The following PRP4K variants were observed in gnomAD, a reference collection of about 807,000 sequenced individuals.
The protein encoded by PRP4K is serine/threonine-protein kinase PRP4 homolog.
the PRP4K span, among the ~76,000 whole-genome samples, chr6:4,039,400 A>G: frequency 6.6e-6 from 1 of 152,200 alleles, no homozygotes; most frequent in Non-Finnish European, 1.5e-5. Flanking sequence ...TTCATAATGT[A>G]AACTTCCTTA....
the PRP4K span, among the ~76,000 whole-genome samples, chr6:4,039,783 G>A: frequency 6.6e-6 from 1 of 151,932 alleles, no homozygotes; most frequent in African/African-American, 2.4e-5. Flanking sequence ...TCTCATCTCT[G>A]CTATCATCTC....
At chr6:4,050,481 C>CT in the PRP4K span, 2 of 258,218 alleles carry the variant, frequency 7.7e-6, no homozygotes, top group South Asian at 1.2e-4. Context: ...TGTCTTATGC[C>CT]GTCCTTTGCT....
chr6:4,048,963 C>T, the PRP4K span: 12 of 1,301,330 alleles, frequency 9.2e-6, no homozygotes, highest in East Asian at 2.4e-5. Flanking sequence ...AAAGGAAGTG[C>T]GTTAAATGTC....
At chr6:4,053,432 C>T in the PRP4K span, among the ~76,000 whole-genome samples, 1 of 152,078 alleles carries the variant, frequency 6.6e-6, no homozygotes, top group African/African-American at 2.4e-5. Flanking sequence ...CCCACTTTTC[C>T]TGATCCTCTC....
the PRP4K span, chr6:4,048,957 GAAGTGCGTTAAATGTCTGAC>G: frequency 9.1e-6 from 11 of 1,207,800 alleles, no homozygotes; most frequent in Non-Finnish European, 1.3e-5. Flanking sequence ...TGTTTTAAAG[GAAGTGCGTTAAATGTCTGAC>G]AAGTGGGTAA....
chr6:4,049,483 AACTT>A, the PRP4K span: 1 of 489,852 alleles, frequency 2.0e-6, no homozygotes, highest in Non-Finnish European at 3.6e-6. Context: ...CAATTGGAAA[AACTT>A]AATGTTAAAA....
the PRP4K span, among the ~76,000 whole-genome samples, chr6:4,024,711 T>A: frequency 6.6e-6 from 1 of 152,130 alleles, no homozygotes; most frequent in Non-Finnish European, 1.5e-5. Flanking sequence ...CAAGTGATTC[T>A]CCTGTCTCTG....
At chr6:4,035,419 T>C in the PRP4K span, among the ~76,000 whole-genome samples, 3 of 150,304 alleles carry the variant, frequency 2.0e-5, no homozygotes, top group African/African-American at 4.9e-5. Context: ...AGTGTTGGGA[T>C]TACAGGCGTG....
chr6:4,054,052 C>G, the PRP4K span, among the ~76,000 whole-genome samples: 1 of 151,786 alleles, frequency 6.6e-6, no homozygotes, highest in Non-Finnish European at 1.5e-5. Flanking sequence ...TGGGACTACC[C>G]ACAGGCACAT....
At chr6:4,037,432 A>G in the PRP4K span, 13 of 1,613,836 alleles carry the variant, frequency 8.1e-6, no homozygotes, top group Non-Finnish European at 1.1e-5. Flanking sequence ...AGTAGACGTG[A>G]AAGATCAAAA....
At chr6:4,062,285 C>T in the PRP4K span, 1 of 152,644 alleles carries the variant, frequency 6.6e-6, no homozygotes, top group Non-Finnish European at 1.5e-5. The surrounding 1 kb of genome is among the most constrained non-coding windows in gnomAD (Gnocchi z 4.2). Context: ...ACACCAGCTT[C>T]ACCTTCTTAA....
the PRP4K span, chr6:4,053,007 T>C: frequency 5.2e-6 from 4 of 771,182 alleles, no homozygotes; most frequent in Non-Finnish European, 7.4e-6. Flanking sequence ...TTCAAATGAC[T>C]AATACTTTTT....
the PRP4K span, among the ~76,000 whole-genome samples, chr6:4,027,606 GGT>G: frequency 7.3e-4 from 70 of 95,592 alleles, no homozygotes; most frequent in East Asian, 1.3e-3. Context: ...GGGGTGGGGG[GGT>G]GGGGTGGGGG....
At chr6:4,047,901 T>TACACACACACACACAC in the PRP4K span, among the ~76,000 whole-genome samples, 3 of 142,006 alleles carry the variant, frequency 2.1e-5, no homozygotes, top group African/African-American at 7.9e-5. Context: ...CATGTATATG[T>TACACACACACACACAC]ACACACACAC....
At chr6:4,051,162 G>A in the PRP4K span, among the ~76,000 whole-genome samples, 5 of 148,736 alleles carry the variant, frequency 3.4e-5, no homozygotes, top group Non-Finnish European at 6.0e-5. Context: ...CACCTGCCTC[G>A]GCCTCCCAAA....
At chr6:4,032,160 A>T in the PRP4K span, 1 of 1,613,888 alleles carries the variant, frequency 6.2e-7, no homozygotes, top group Admixed American at 1.7e-5. Context: ...AACAACTAGG[A>T]GCAAGTCAAA....
At chr6:4,031,750 A>G in the PRP4K span, 58 of 1,602,456 alleles carry the variant, frequency 3.6e-5, no homozygotes, top group African/African-American at 7.0e-4. Context: ...CATAAGAAAC[A>G]CAAAAGAAAA....
At chr6:4,053,390 C>A in the PRP4K span, among the ~76,000 whole-genome samples, 3 of 152,030 alleles carry the variant, frequency 2.0e-5, no homozygotes, top group African/African-American at 2.4e-5. Context: ...AGGCTTGTTA[C>A]ATAGGTAAAC....
At chr6:4,051,814 C>A in the PRP4K span, 1 of 531,364 alleles carries the variant, frequency 1.9e-6, no homozygotes, top group Non-Finnish European at 3.3e-6. Flanking sequence ...CACCATTTCT[C>A]AGTAGATTTA....
Sources: allele counts gnomAD v4.1 joint callset (sites outside exome capture counted in the v4.1 genomes callset), GRCh38; gene constraint gnomAD v4.1.1; non-coding constraint Gnocchi (gnomAD v3.1); transcripts MANE v1.5; gene names NCBI Gene and HGNC (gene_info 2026-07-23, HGNC 2026-07-21).